UGT2A3: variants seen among roughly 807,000 people sequenced by gnomAD.
UGT2A3 encodes the protein UDP-glucuronosyltransferase 2A3.
In UGT2A3, 55 loss-of-function variants were observed where a neutral mutation model predicts 44.1. The observed-to-expected ratio is 1.25, with a 90% CI of 1.00 to 1.56. The LOEUF is 1.56. Ranked by LOEUF, UGT2A3 falls within the 40% of genes most tolerant of loss-of-function variation. The pLI, the probability that UGT2A3 is intolerant of heterozygous loss-of-function variation, is 0.00. For missense variants in UGT2A3, 733 were observed against 621.6 expected (o/e 1.18, Z -1.91); for synonymous variants, 243 against 215.1 (o/e 1.13, Z -1.13).
In UGT2A3 at chr4:68,930,619, C is replaced by G. The variant is rs1432463055; in HGVS notation, c.1231G>C (p.Val411Leu). 6.2e-7 allele frequency: 1 copy of G among 1,613,534 alleles called. No homozygotes were observed. The highest frequency in any genetic ancestry group is 8.5e-7 in the Non-Finnish European group (1 of 1,179,674). Residue 411 changes from valine (V) to leucine (L), a missense_variant, in exon 5 of 6, where the codon GTA (valine) becomes CTA (leucine). Transcript: ENST00000251566. ...IAHMKAKGAA[V>L]EINFKTMTSE... ...GTCATAGTTTTGAAGTTTATTTCTACAGCTGCTCCTTTGGCCTTCATGTGA... is the reference window on the plus strand; with the variant it reads ...GTCATAGTTTTGAAGTTTATTTCTAGAGCTGCTCCTTTGGCCTTCATGTGA...
Position 68,951,374 on chromosome 4 carries a change from G to C in UGT2A3, c.387C>G (p.Ile129Met). 6.2e-7 allele frequency: 1 copy of C among 1,612,666 alleles called. No homozygotes were observed. Among genetic ancestry groups the C allele is most frequent in the Non-Finnish European group, 8.5e-7 (1 of 1,179,268 alleles). Residue 129 changes from isoleucine (I) to methionine (M), a missense_variant, in exon 1 of 6, where the codon ATC (isoleucine) becomes ATG (methionine). Transcript: ENST00000251566. ...GTLKMMCESF[I>M]YNQTLMKKLQ... ...GCTTCTTCATAAGCGTCTGATTGTA[G>C]ATAAAGCTCTCACACATCATTTTTA...
chr4:68,934,396 G>C (rs1045852799), intron 2 of UGT2A3, among the ~76,000 whole-genome samples: 1 of 151,760 alleles, frequency 6.6e-6, no homozygotes, highest in African/African-American at 2.4e-5. Context: ...AGGAAAACAA[G>C]ATATTTAACA....
chr4:68,949,132 C>T (rs530089224), intron 1 of UGT2A3, among the ~76,000 whole-genome samples: 1 of 151,964 alleles, frequency 6.6e-6, no homozygotes, highest in South Asian at 2.1e-4. Flanking sequence ...ACCCTCATGA[C>T]CCTAACACTT....
rs1307328340 is a variant in UGT2A3 at position 68,929,497 on chromosome 4, A to C, written c.*316T>G. ...TGTGTTTGGGCGCACACCAGGAATAATCATATTGCATGTCACCCTATCACT... is the reference window on the plus strand; with the variant it reads ...TGTGTTTGGGCGCACACCAGGAATACTCATATTGCATGTCACCCTATCACT... On this transcript the variant is annotated 3_prime_UTR_variant, in exon 6 of 6. Coordinates refer to ENST00000251566, the MANE Select transcript of UGT2A3 (RefSeq NM_024743.4). The C allele has an allele frequency of 4.9e-6, 1 of 203,162 alleles. No homozygotes were observed. Among genetic ancestry groups the C allele is most frequent in the Non-Finnish European group, 9.9e-6 (1 of 100,580 alleles). 12.6% of individuals were successfully genotyped at this position (203,162 alleles called of 1,614,324 possible). A position where few individuals can be genotyped will look rare whatever the true frequency, so the allele number is the denominator to read the frequency against.
intron 1 of UGT2A3, 135 bp downstream of exon 1, chr4:68,950,911 T>G: frequency 6.6e-6 from 4 of 601,724 alleles, no homozygotes; most frequent in Non-Finnish European, 1.1e-5. Flanking sequence ...AAATACACTT[T>G]CTTTATGAAA....
chr4:68,940,660 C>G (rs1212174425), intron 2 of UGT2A3, among the ~76,000 whole-genome samples: 1 of 150,990 alleles, frequency 6.6e-6, no homozygotes, highest in Admixed American at 6.6e-5. Context: ...CTGACCTGCA[C>G]ATCCTGCACA....
At chr4:68,937,142 A>G (rs1042086113) in intron 2 of UGT2A3, among the ~76,000 whole-genome samples, 1 of 152,082 alleles carries the variant, frequency 6.6e-6, no homozygotes, top group Admixed American at 6.6e-5. Flanking sequence ...CACTGTTGTT[A>G]TTAGAAAGAT....
In UGT2A3 at chr4:68,936,888, CAAAAAAA is replaced by C. The variant is rs56737078; in HGVS notation, c.865-4136_865-4130del. On this transcript the variant is annotated intron_variant, in intron 2 of 5. Coordinates refer to ENST00000251566, the MANE Select transcript of UGT2A3 (RefSeq NM_024743.4). The stretch of plus-strand genomic sequence containing the variant: ...GAAGATCTACAAAGTAAATGGAAAG[CAAAAAAA>C]AAAAAAAAAAAAAAGCAGAGGTTGC... Among the ~76,000 whole-genome samples the C allele has an allele frequency of 4.7e-3, 218 of 46,342 alleles. 1 individual carries two copies. Among genetic ancestry groups the C allele is most frequent in the African/African-American group, 0.018 (205 of 11,292 alleles). 30.4% of individuals were successfully genotyped at this position (46,342 alleles called of 152,430 possible). A position where few individuals can be genotyped will look rare whatever the true frequency, so the allele number is the denominator to read the frequency against.
At chr4:68,933,355 A>C (rs1257583914) in intron 2 of UGT2A3, among the ~76,000 whole-genome samples, 2 of 152,070 alleles carry the variant, frequency 1.3e-5, no homozygotes, top group Non-Finnish European at 2.9e-5. Flanking sequence ...CTGCAATTAC[A>C]CAGGTGGAAG....
At chr4:68,935,861 A>G (rs1388256735) in intron 2 of UGT2A3, among the ~76,000 whole-genome samples, 2 of 152,090 alleles carry the variant, frequency 1.3e-5, no homozygotes, top group African/African-American at 4.8e-5. Context: ...TGTAGAGAAG[A>G]CCTTAAATGA....
At chr4:68,942,339 C>CTCTCTCTATA (rs1173763752) in intron 2 of UGT2A3, among the ~76,000 whole-genome samples, 1 of 133,274 alleles carries the variant, frequency 7.5e-6, no homozygotes, top group Admixed American at 8.5e-5. Flanking sequence ...CTCTCTCTCT[C>CTCTCTCTATA]TATATATATA....
rs369933690 is a variant in UGT2A3, at chr4:68,951,110, C to G, written c.651G>C (p.Leu217Phe). The G allele has an allele frequency of 7.4e-6, 12 of 1,610,744 alleles. No individual in the cohort carries two copies. The highest frequency in any genetic ancestry group is 9.3e-6 in the Non-Finnish European group (11 of 1,178,502). ...ERVKNSMLSVLFHFWIQDYDY... is the reference protein window; with the variant it reads ...ERVKNSMLSVFFHFWIQDYDY... ...CGTAATCCTGAATCCAGAAGTGGAA[C>G]AAAACTGAAAGCATTGAATTTTTTA... The change falls in exon 1 of 6, where the codon TTG becomes TTC. Residue 217 changes from leucine (L) to phenylalanine (F), a missense_variant. Transcript: ENST00000251566.
intron 1 of UGT2A3, among the ~76,000 whole-genome samples, chr4:68,948,972 G>C (rs1718483400): frequency 6.6e-6 from 1 of 151,848 alleles, no homozygotes; most frequent in Admixed American, 6.6e-5. Flanking sequence ...GAGCCAGCAA[G>C]TGCAGGGATC....
At chr4:68,946,310 G>A (rs772596151) in intron 1 of UGT2A3, among the ~76,000 whole-genome samples, 2 of 151,588 alleles carry the variant, frequency 1.3e-5, no homozygotes, top group Non-Finnish European at 3.0e-5. Context: ...AATCAAAGTT[G>A]GTGGTGTTAT....
chr4:68,935,023 A>T (rs72849617), intron 2 of UGT2A3, among the ~76,000 whole-genome samples: 8,777 of 151,786 alleles, frequency 0.058, 716 homozygotes, highest in African/African-American at 0.18. Context: ...TGGATTATGA[A>T]GAAATAAAAA....
rs748916389 is a variant in UGT2A3 at position 68,931,195 on chromosome 4, A to T, written c.1044T>A (p.Asn348Lys). Residue 348 changes from asparagine (N) to lysine (K), a missense_variant, in exon 4 of 6, where the codon AAT (asparagine) becomes AAA (lysine). By Grantham distance (94) the Asn-to-Lys change is moderately conservative. Coordinates refer to ENST00000251566, the MANE Select transcript of UGT2A3 (RefSeq NM_024743.4). ...KGKKPSTLGA[N>K]TRLYDWIPQN... Reference sequence around the variant, plus strand: ...GGGGTATCCAATCATACAGCCGAGTATTGGCTCCTAATGTGGATGGTTTTT... The same window carrying T: ...GGGGTATCCAATCATACAGCCGAGTTTTGGCTCCTAATGTGGATGGTTTTT... 1 of 1,613,108 alleles carries T rather than the reference A, an allele frequency of 6.2e-7. No homozygotes were observed. Among genetic ancestry groups the T allele is most frequent in the East Asian group, 2.2e-5 (1 of 44,808 alleles).
intron 1 of UGT2A3, among the ~76,000 whole-genome samples, chr4:68,947,456 C>A (rs1486307956): frequency 2.6e-5 from 4 of 151,708 alleles, no homozygotes; most frequent in Non-Finnish European, 5.9e-5. Flanking sequence ...CCACCCCATC[C>A]CCAGTTAATT....
chr4:68,940,747 CAT>C (rs1168564887), intron 2 of UGT2A3, among the ~76,000 whole-genome samples: 3 of 146,010 alleles, frequency 2.1e-5, no homozygotes, highest in East Asian at 2.0e-4. Context: ...CACATATATA[CAT>C]ATATATAATA....
chr4:68,931,965 T>C (rs1717754534), intron 3 of UGT2A3, among the ~76,000 whole-genome samples: 2 of 151,980 alleles, frequency 1.3e-5, no homozygotes, highest in African/African-American at 2.4e-5. Context: ...ATGCTTGCCT[T>C]TATTGAGTTT....
Sources: gnomAD v4.1 joint callset for allele counts (sites outside exome capture counted in the v4.1 genomes callset) on GRCh38, gnomAD v4.1.1 for gene constraint, MANE v1.5 for transcripts, NCBI Gene and HGNC (gene_info 2026-07-23, HGNC 2026-07-21) for gene names.